WWP2: variants seen among roughly 807,000 people sequenced by gnomAD.
The protein encoded by WWP2 is NEDD4-like E3 ubiquitin-protein ligase WWP2.
Under a neutral mutation model 121.0 loss-of-function variants are expected in WWP2, and 57 were observed. The ratio of observed to expected loss-of-function variants is 0.47; its 90% CI spans 0.38 to 0.59. WWP2 has a LOEUF of 0.59. Ranked by LOEUF, WWP2 falls within the 20% of genes least tolerant of loss-of-function variation. The pLI is 0.00. For synonymous variants in WWP2, 449 were observed against 441.3 expected, an observed-to-expected ratio of 1.02 and a Z score of -0.22; for missense variants, 962 against 1,158.9, an observed-to-expected ratio of 0.83 and a Z score of 2.47.
intron 7 of WWP2, among the ~76,000 whole-genome samples, chr16:69,876,107 A>G (rs2057730887): frequency 6.6e-6 from 1 of 151,920 alleles, no homozygotes; most frequent in African/African-American, 2.4e-5. Flanking sequence ...ATAGGCATGC[A>G]CCACCACACC....
At chr16:69,938,104 T>C (rs1255102882) in intron 21 of WWP2, among the ~76,000 whole-genome samples, 5 of 152,264 alleles carry the variant, frequency 3.3e-5, no homozygotes, top group Non-Finnish European at 5.9e-5. Flanking sequence ...GTATTCTTAG[T>C]ACATGTCTGT....
In WWP2 at chr16:69,939,326, T is replaced by C. The variant is rs1171583092; in HGVS notation, c.2441-15T>C. 6.2e-7 allele frequency: 1 copy of C among 1,614,192 alleles called. No individual in the cohort carries two copies. On this transcript the variant is annotated splice_polypyrimidine_tract_variant and intron_variant, in intron 22 of 23. Coordinates refer to ENST00000359154, the MANE Select transcript of WWP2 (RefSeq NM_001270454.2). ...CGTCTCTGCTGACGTCGGCGTGTTT[T>C]ACCTTGGATCACAGGTAGCAACGGA...
At chr16:69,897,496 C>T (rs2151948169) in intron 8 of WWP2, among the ~76,000 whole-genome samples, 1 of 152,290 alleles carries the variant, frequency 6.6e-6, no homozygotes, top group Non-Finnish European at 1.5e-5. Flanking sequence ...TCTCTGATCT[C>T]ATTCCCTGTA....
rs2057957343 is a variant in WWP2, at chr16:69,888,111, C to T, written c.776C>T (p.Ala259Val). ...GTTGGTGTGACGTCCCCACCTGCTG[C>T]ACCCTTGAGTGTGACCCCGAATCCC... is the stretch of plus-strand genomic sequence containing the variant. ...SVVGVTSPPA[A>V]PLSVTPNPNT... The change falls in exon 8 of 24, where the codon GCA becomes GTA. Residue 259 changes from alanine to valine, a missense_variant. This residue lies in a region of WWP2 where 211 missense variants were observed against 196.5 expected (regional missense o/e 1.07). Transcript: ENST00000359154. The T allele has an allele frequency of 6.2e-7, 1 of 1,614,256 alleles. No individual in the cohort carries two copies. The highest frequency in any genetic ancestry group is 1.3e-5 in the African/African-American group (1 of 75,072).
intron 10 of WWP2, among the ~76,000 whole-genome samples, chr16:69,923,637 T>A (rs2058596864): frequency 6.6e-6 from 1 of 152,190 alleles, no homozygotes; most frequent in African/African-American, 2.4e-5. Flanking sequence ...ATCTACTGAC[T>A]CCAAAACAAG....
At chr16:69,936,646 C>T (rs1307310528) in intron 19 of WWP2, 194 bp downstream of exon 19, 10 of 713,392 alleles carry the variant, frequency 1.4e-5, no homozygotes, top group African/African-American at 1.1e-4. Flanking sequence ...CCTTAGTTAC[C>T]GACTCCCAGC....
intron 10 of WWP2, among the ~76,000 whole-genome samples, chr16:69,919,495 T>C (rs2058526541): frequency 6.6e-6 from 1 of 152,116 alleles, no homozygotes; most frequent in Admixed American, 6.5e-5. Flanking sequence ...TCCAGAATTG[T>C]GGGTGCTCTG....
chr16:69,936,617 G>A (rs2151998829), intron 19 of WWP2, 165 bp downstream of exon 19: 2 of 1,015,082 alleles, frequency 2.0e-6, no homozygotes, highest in Admixed American at 2.6e-5. Flanking sequence ...GCGCGAGCTG[G>A]GGGAACCAAA....
At chr16:69,787,479 A>T (rs1337464000) in intron 2 of WWP2, among the ~76,000 whole-genome samples, 1 of 152,178 alleles carries the variant, frequency 6.6e-6, no homozygotes, top group Non-Finnish European at 1.5e-5. Flanking sequence ...GGTCCCAGCT[A>T]CTAAGGACAC....
At chr16:69,822,532 G>T (rs1245415629) in intron 4 of WWP2, among the ~76,000 whole-genome samples, 1 of 151,102 alleles carries the variant, frequency 6.6e-6, no homozygotes, top group Non-Finnish European at 1.5e-5. Context: ...GCCTGGGTGG[G>T]GTGTGTGTGT....
chr16:69,903,059 G>A (rs1567419200), intron 8 of WWP2, among the ~76,000 whole-genome samples: 1 of 152,192 alleles, frequency 6.6e-6, no homozygotes. Flanking sequence ...GAAAGGTCTT[G>A]TTCCTCTGGC....
At chr16:69,924,547 G>T (rs2058610161) in intron 10 of WWP2, among the ~76,000 whole-genome samples, 1 of 152,144 alleles carries the variant, frequency 6.6e-6, no homozygotes, top group South Asian at 2.1e-4. Flanking sequence ...GTCCACTGCA[G>T]TCCATCCCCA....
chr16:69,764,258 G>A (rs2038679847), intron 1 of WWP2, among the ~76,000 whole-genome samples: 1 of 152,164 alleles, frequency 6.6e-6, no homozygotes, highest in South Asian at 2.1e-4. Flanking sequence ...GGAGTGCAGT[G>A]GCACAATCAC....
At chr16:69,884,287 T>C (rs2057885181) in intron 7 of WWP2, among the ~76,000 whole-genome samples, 1 of 152,116 alleles carries the variant, frequency 6.6e-6, no homozygotes, top group Non-Finnish European at 1.5e-5. Flanking sequence ...ACCTCCCCTT[T>C]CCCCACTAAC....
At chr16:69,863,568 G>C (rs1037525539) in intron 6 of WWP2, among the ~76,000 whole-genome samples, 3 of 152,162 alleles carry the variant, frequency 2.0e-5, no homozygotes, top group Non-Finnish European at 1.5e-5. Flanking sequence ...GAACCTGGTG[G>C]GGGCAGAGGT....
Position 69,842,092 on chromosome 16 carries a change from A to G in WWP2, c.547A>G (p.Ser183Gly). The change falls in exon 6 of 24, where the codon AGC becomes GGC. Residue 183 changes from serine to glycine, a missense_variant. Ser to Gly is a moderately conservative substitution (Grantham distance 56). Coordinates refer to ENST00000359154, the MANE Select transcript of WWP2 (RefSeq NM_001270454.2). ...VAPENRHQPP[S>G]TNCFGGRSRT... Reference sequence around the variant, plus strand: ...TCCAGAGAACCGGCACCAGCCCCCCAGCACAAACTGCTTTGGTGGAAGATC... The same window carrying G: ...TCCAGAGAACCGGCACCAGCCCCCCGGCACAAACTGCTTTGGTGGAAGATC... 1.2e-6 allele frequency: 2 copies of G among 1,613,362 alleles called. No individual in the cohort carries two copies. Among genetic ancestry groups the G allele is most frequent in the Non-Finnish European group, 8.5e-7 (1 of 1,179,780 alleles).
chr16:69,795,678 G>A lies in WWP2; in HGVS notation c.71-3004G>A, dbSNP rs1043977770. 3.3e-3 allele frequency among the ~76,000 whole-genome samples: 25 copies of A among 7,570 alleles called. No homozygotes were observed. In the South Asian group the frequency reaches 0.075, roughly 23 times the overall value. The allele number at this position is 7,570 out of a possible 152,430, so 5.0% of individuals were successfully genotyped here. A position where few individuals can be genotyped will look rare whatever the true frequency, so the allele number is the denominator to read the frequency against. ...TTTTTTTTTTTTTTTTTTTTTTTGTGAGAGTCTCTCTCCATCACCCAGGCT... is the reference window on the plus strand; with the variant it reads ...TTTTTTTTTTTTTTTTTTTTTTTGTAAGAGTCTCTCTCCATCACCCAGGCT... On this transcript the variant is annotated intron_variant, in intron 2 of 23. Transcript: ENST00000359154.
At chr16:69,817,585 C>G (rs1466918788) in intron 4 of WWP2, among the ~76,000 whole-genome samples, 1 of 150,770 alleles carries the variant, frequency 6.6e-6, no homozygotes, top group Non-Finnish European at 1.5e-5. Context: ...AATGTACCCA[C>G]AGTTTAACCA....
At chr16:69,827,583 A>G (rs2056724850) in intron 4 of WWP2, among the ~76,000 whole-genome samples, 1 of 152,228 alleles carries the variant, frequency 6.6e-6, no homozygotes, top group African/African-American at 2.4e-5. Flanking sequence ...ATAATTTTCT[A>G]AGAGGACTCC....
Sources: allele counts gnomAD v4.1 joint callset (sites outside exome capture counted in the v4.1 genomes callset), GRCh38; gene constraint gnomAD v4.1.1; regional missense constraint gnomAD v4.1.1; transcripts MANE v1.5; gene names NCBI Gene and HGNC (gene_info 2026-07-23, HGNC 2026-07-21).